AMMECR1: variants seen among roughly 807,000 people sequenced by gnomAD.
AMMECR1 encodes the protein nuclear protein AMMECR1.
A neutral mutation model predicts 22.5 loss-of-function variants in AMMECR1; 3 were observed. The ratio of observed to expected loss-of-function variants is 0.13; its 90% CI spans 0.06 to 0.35. AMMECR1 has a LOEUF of 0.35. Among genes scored for constraint, AMMECR1 ranks in the 10% least tolerant of loss-of-function variants. The probability of loss-of-function intolerance (pLI) is 1.00; values close to 1 mark genes in which losing one functional copy is unlikely to be tolerated. For missense variants in AMMECR1, 235 were observed against 278.7 expected (o/e 0.84, Z 1.12); for synonymous variants, 130 against 116.7 (o/e 1.11, Z -0.74).
At chrX:110,258,159 A>G (rs1347743822) in intron 2 of AMMECR1, among the ~76,000 whole-genome samples, 1 of 112,102 alleles carries the variant, frequency 8.9e-6, no homozygotes, top group East Asian at 2.8e-4. Flanking sequence ...ATGATGTGAT[A>G]AGGAATTAGA....
At chrX:110,402,105 C>T (rs2068569353) in intron 2 of AMMECR1, among the ~76,000 whole-genome samples, 1 of 112,382 alleles carries the variant, frequency 8.9e-6, no homozygotes, top group Admixed American at 9.4e-5. Context: ...CAGATAATCT[C>T]TCTTGATATC....
rs186877827 is a variant in AMMECR1, at chrX:110,329,377, C to T, written c.-147-11528G>A. On this transcript the variant is annotated intron_variant, in intron 2 of 7. Coordinates refer to the AMMECR1 transcript ENST00000372057. ...CTTTGGAGGAAATATTTTTTTAAAG[C>T]CATCCAGCAGAACACCTTCTCATCT... Among the ~76,000 whole-genome samples the T allele has an allele frequency of 2.7e-4, 30 of 112,046 alleles. No individual in the cohort carries two copies. In the East Asian group the frequency reaches 8.4e-3, roughly 31 times the overall value.
chrX:110,282,930 A>AT (rs1299510952), intron 1 of AMMECR1, among the ~76,000 whole-genome samples: 1 of 112,128 alleles, frequency 8.9e-6, no homozygotes, highest in Non-Finnish European at 1.9e-5. Flanking sequence ...TGGAGCAGAC[A>AT]TGACACTACC....
intron 1 of AMMECR1, among the ~76,000 whole-genome samples, chrX:110,296,643 GA>G (rs1166312938): frequency 1.8e-5 from 2 of 110,976 alleles, no homozygotes; most frequent in Non-Finnish European, 1.9e-5. Context: ...ATCCGTTGAT[GA>G]ACCCTTTTAA....
intron 2 of AMMECR1, among the ~76,000 whole-genome samples, chrX:110,394,281 A>T (rs1367213914): frequency 1.8e-5 from 2 of 111,211 alleles, no homozygotes; most frequent in Admixed American, 9.5e-5. Context: ...ACAGGGTCTC[A>T]CTCCTCTCGC....
At chrX:110,202,388 GT>G (rs1375098734) in intron 4 of AMMECR1, 57 bp downstream of exon 4, 1 of 942,295 alleles carries the variant, frequency 1.1e-6, no homozygotes, top group African/African-American at 1.9e-5. Context: ...ACGCATTTCA[GT>G]TTGTATATTT....
intron 2 of AMMECR1, among the ~76,000 whole-genome samples, chrX:110,334,785 C>T (rs2068134709): frequency 8.9e-6 from 1 of 112,032 alleles, no homozygotes; most frequent in African/African-American, 3.2e-5. Context: ...ACAACTGCTT[C>T]ATAACATATA....
chrX:110,429,458 GTTT>G (rs554736940), intron 1 of AMMECR1, among the ~76,000 whole-genome samples: 23 of 80,904 alleles, frequency 2.8e-4, no homozygotes, highest in African/African-American at 9.0e-4. Context: ...GAGAAAAAGT[GTTT>G]TTTTTTTTTT....
chrX:110,307,853 CTTTTTTTTTTCTTTTTTTTT>C (rs2068004888), intron 1 of AMMECR1, among the ~76,000 whole-genome samples: 1 of 90,994 alleles, frequency 1.1e-5, no homozygotes, highest in Non-Finnish European at 2.2e-5. Context: ...CTGCTAGAAA[CTTTTTTTTTTCTTTTTTTTT>C]TTTTTTTTTT....
intron 2 of AMMECR1, among the ~76,000 whole-genome samples, chrX:110,247,973 C>T (rs2067667826): frequency 8.9e-6 from 1 of 111,870 alleles, no homozygotes; most frequent in African/African-American, 3.3e-5. Flanking sequence ...CTATTGTTTG[C>T]CACAGAATTT....
intron 2 of AMMECR1, among the ~76,000 whole-genome samples, chrX:110,240,979 G>A (rs1474937993): frequency 9.0e-6 from 1 of 111,606 alleles, no homozygotes; most frequent in Non-Finnish European, 1.9e-5. Flanking sequence ...AATGACTACT[G>A]GGTAAATAAC....
rs2068202386 is a variant in AMMECR1 at position 110,349,283 on chromosome X, G to A, written c.-147-31434C>T. Among the ~76,000 whole-genome samples, 2 of 111,848 alleles carry A rather than the reference G, an allele frequency of 1.8e-5. 1 individual carries two copies. Among genetic ancestry groups the A allele is most frequent in the Admixed American group, 1.9e-4 (2 of 10,546 alleles). ...ATATCAAGAATACCCCAGATTGAGTGGCTTAAACAACAAACATTTATTTCT... is the reference window on the plus strand; with the variant it reads ...ATATCAAGAATACCCCAGATTGAGTAGCTTAAACAACAAACATTTATTTCT... On this transcript the variant is annotated intron_variant, in intron 2 of 7. Coordinates refer to the AMMECR1 transcript ENST00000372057.
chrX:110,202,774 G>C (rs933402192), intron 3 of AMMECR1, among the ~76,000 whole-genome samples: 3 of 111,471 alleles, frequency 2.7e-5, no homozygotes, highest in African/African-American at 9.8e-5. Context: ...TACTATGTTT[G>C]GAAAACTGGA....
chrX:110,236,429 T>C (rs1264555313), intron 2 of AMMECR1, among the ~76,000 whole-genome samples: 1 of 111,826 alleles, frequency 8.9e-6, no homozygotes, highest in African/African-American at 3.3e-5. Flanking sequence ...TCACAAGGTC[T>C]TATTACTTCT....
chrX:110,436,634 G>T (rs1452361245), intron 1 of AMMECR1, among the ~76,000 whole-genome samples: 2 of 112,011 alleles, frequency 1.8e-5, no homozygotes, highest in African/African-American at 3.3e-5. Context: ...TGCACAGAAA[G>T]CTGAGCTCCT....
At chrX:110,405,096 C>T (rs116827927) in intron 2 of AMMECR1, among the ~76,000 whole-genome samples, 7 of 99,591 alleles carry the variant, frequency 7.0e-5, no homozygotes, top group African/African-American at 1.1e-4. Flanking sequence ...TGTCCCCCCC[C>T]CCCCCAAGCA....
intron 2 of AMMECR1, among the ~76,000 whole-genome samples, chrX:110,326,433 T>G (rs1451441400): frequency 8.9e-6 from 1 of 112,561 alleles, no homozygotes; most frequent in Admixed American, 9.4e-5. Context: ...AATTTCCTTC[T>G]GTTTTTTATT....
Position 110,433,742 on chromosome X carries a change from T to G in AMMECR1, c.-294+6148A>C, listed in dbSNP as rs191205906. Among the ~76,000 whole-genome samples the G allele has an allele frequency of 2.1e-3, 239 of 112,347 alleles. 3 individuals carry two copies. The highest frequency in any genetic ancestry group is 6.4e-4 in the Non-Finnish European group (34 of 53,290). ...CTGAATGAGTGTTAACTAGCCTTTC[T>G]TCTTATCATGATCATCTTCATTGTC... is the stretch of plus-strand genomic sequence containing the variant. On this transcript the variant is annotated intron_variant, in intron 1 of 7. Transcript: ENST00000372057.
intron 1 of AMMECR1, among the ~76,000 whole-genome samples, chrX:110,317,389 C>A (rs1056138968): frequency 9.8e-5 from 11 of 112,011 alleles, no homozygotes; most frequent in South Asian, 7.5e-4. Context: ...CGGGGCCATT[C>A]CTTGCAGCAG....
Sources: gnomAD v4.1 joint callset for allele counts (sites outside exome capture counted in the v4.1 genomes callset) on GRCh38, gnomAD v4.1.1 for gene constraint, MANE v1.5 for transcripts, NCBI Gene and HGNC (gene_info 2026-07-23, HGNC 2026-07-21) for gene names.